Variants in TPRG1 observed in about 807,000 individuals in gnomAD.
The protein encoded by TPRG1 is tumor protein p63 regulated 1, also known as tumor protein p63-regulated gene 1 protein.
A neutral mutation model predicts 29.3 loss-of-function variants in TPRG1; 29 were observed. The ratio of observed to expected loss-of-function variants is 0.99; its 90% CI spans 0.74 to 1.35. TPRG1 has a LOEUF of 1.35. Ranked by LOEUF, TPRG1 falls within the 40% of genes most tolerant of loss-of-function variation. The pLI is 0.00. For missense variants in TPRG1, 327 were observed against 335.0 expected (o/e 0.98, Z 0.19); for synonymous variants, 130 against 116.8 (o/e 1.11, Z -0.73).
At chr3:189,175,555 A>G (rs9868440) in intron 1 of TPRG1, among the ~76,000 whole-genome samples, 56,318 of 152,018 alleles carry the variant, frequency 0.37, 10,516 homozygotes, top group South Asian at 0.52. Context: ...ATTGTTATCC[A>G]AGTTTGTAAG....
At chr3:189,076,356 G>A (rs6763464) in intron 4 of TPRG1, among the ~76,000 whole-genome samples, 2,679 of 152,160 alleles carry the variant, frequency 0.018, 92 homozygotes, top group African/African-American at 0.06. Flanking sequence ...GTTGTCTCTG[G>A]CCCTCAGTTT....
At chr3:189,167,994 T>C (rs1728363118), upstream of TPRG1, among the ~76,000 whole-genome samples, 1 of 152,200 alleles carries the variant, frequency 6.6e-6, no homozygotes, top group African/African-American at 2.4e-5. Context: ...CCAGTGCCCT[T>C]TTTAGCCCTC....
intron 5 of TPRG1, among the ~76,000 whole-genome samples, chr3:189,166,635 C>G (rs973711034): frequency 1.3e-5 from 2 of 152,142 alleles, no homozygotes; most frequent in African/African-American, 4.8e-5. Context: ...GGTGTCTCAG[C>G]GTTTCAAAAG....
chr3:189,314,957 A>G (rs1031656964), intron 5 of TPRG1, among the ~76,000 whole-genome samples: 2 of 152,136 alleles, frequency 1.3e-5, no homozygotes, highest in South Asian at 2.1e-4. Context: ...ATGTCTTTAA[A>G]AAAACTTAAT....
intron 4 of TPRG1, among the ~76,000 whole-genome samples, chr3:189,301,782 A>T (rs1577010073): frequency 6.6e-6 from 1 of 152,160 alleles, no homozygotes; most frequent in South Asian, 2.1e-4. Flanking sequence ...TTCGTTCTCT[A>T]GTTTTGCATC....
At chr3:189,301,668 G>A (rs969713327) in intron 4 of TPRG1, among the ~76,000 whole-genome samples, 13 of 152,212 alleles carry the variant, frequency 8.5e-5, no homozygotes, top group South Asian at 4.1e-4. Context: ...CACCCAGCAG[G>A]AGGCTGACAG....
intron 4 of TPRG1, among the ~76,000 whole-genome samples, chr3:189,075,539 AT>A (rs953532064): frequency 5.9e-5 from 9 of 152,042 alleles, no homozygotes; most frequent in Admixed American, 5.2e-4. Flanking sequence ...CAGCCAAATT[AT>A]TTTTGTCTCT....
At chr3:189,233,527 A>G (rs1244447089) in intron 3 of TPRG1, among the ~76,000 whole-genome samples, 1 of 152,052 alleles carries the variant, frequency 6.6e-6, no homozygotes. Flanking sequence ...CCATCTCCTC[A>G]ATTGGGGAAG....
chr3:189,236,587 A>C (rs186254739), intron 3 of TPRG1, among the ~76,000 whole-genome samples: 125 of 152,304 alleles, frequency 8.2e-4, no homozygotes, highest in African/African-American at 2.9e-3. Context: ...CTTAAACTTT[A>C]TGCCATTTCC....
chr3:189,077,271 A>G (rs1484311133), intron 4 of TPRG1, among the ~76,000 whole-genome samples: 1 of 152,160 alleles, frequency 6.6e-6, no homozygotes, highest in African/African-American at 2.4e-5. Context: ...CTTAGCCTTT[A>G]AAAATAATGA....
At chr3:189,198,291 C>T (rs1732885919) in intron 1 of TPRG1, among the ~76,000 whole-genome samples, 1 of 152,196 alleles carries the variant, frequency 6.6e-6, no homozygotes, top group Non-Finnish European at 1.5e-5. Context: ...CCCACACTCG[C>T]ATTCCCCTCT....
chr3:189,131,371 C>T (rs1263341963), intron 2 of TPRG1, among the ~76,000 whole-genome samples: 1 of 151,906 alleles, frequency 6.6e-6, no homozygotes, highest in Non-Finnish European at 1.5e-5. Flanking sequence ...ATACGTGTAT[C>T]TATATGTGTG....
intron 5 of TPRG1, chr3:189,313,056 T>C (rs1722960113): frequency 6.6e-6 from 1 of 152,146 alleles, no homozygotes; most frequent in African/African-American, 2.4e-5. Context: ...TTCTCTTTTT[T>C]TTTTTTTCCT....
At chr3:189,002,440 A>C (rs894252493) in intron 2 of TPRG1, among the ~76,000 whole-genome samples, 1 of 152,182 alleles carries the variant, frequency 6.6e-6, no homozygotes, top group Non-Finnish European at 1.5e-5. Context: ...CATAGACATC[A>C]GAGAGCTGAG....
intron 3 of TPRG1, among the ~76,000 whole-genome samples, chr3:189,016,661 A>T (rs1712950124): frequency 1.3e-5 from 2 of 151,504 alleles, no homozygotes; most frequent in African/African-American, 4.9e-5. Flanking sequence ...ATGGGGGTGG[A>T]CTCCTATCTT....
chr3:189,056,703 A>C (rs1483954058), intron 4 of TPRG1, among the ~76,000 whole-genome samples: 1 of 152,204 alleles, frequency 6.6e-6, no homozygotes, highest in Non-Finnish European at 1.5e-5. Context: ...GTAGGGGTTC[A>C]GATGATGCTA....
chr3:189,282,459 A>G (rs1347688413), intron 4 of TPRG1, among the ~76,000 whole-genome samples: 2 of 152,190 alleles, frequency 1.3e-5, no homozygotes, highest in Admixed American at 6.5e-5. Flanking sequence ...TTAAACGTGT[A>G]TTTTGTGCCT....
intron 1 of TPRG1, among the ~76,000 whole-genome samples, chr3:189,121,113 A>G (rs983520572): frequency 5.9e-5 from 9 of 152,332 alleles, no homozygotes; most frequent in African/African-American, 2.2e-4. Context: ...AACCAAAACA[A>G]TTATAGAAAG....
Position 189,123,224 on chromosome 3 carries a change from G to T in TPRG1, c.-743-3833G>T, listed in dbSNP as rs375474063. 2.0e-5 allele frequency among the ~76,000 whole-genome samples: 3 copies of T among 152,150 alleles called. No homozygotes were observed. The East Asian group carries it at 5.8e-4, about 29-fold the overall frequency. On this transcript the variant is annotated intron_variant, in intron 1 of 6. Coordinates refer to the TPRG1 transcript ENST00000412373. ...TTTTAGATGCAGCAATAAAAAGAGG[G>T]CTTTAGAGAGTTATATAATTTTATG... is the stretch of plus-strand genomic sequence containing the variant.
Sources: gnomAD v4.1 joint callset for allele counts (sites outside exome capture counted in the v4.1 genomes callset) on GRCh38, gnomAD v4.1.1 for gene constraint, MANE v1.5 for transcripts, NCBI Gene and HGNC (gene_info 2026-07-23, HGNC 2026-07-21) for gene names.